The following HLTF variants were observed in gnomAD, a reference collection of about 807,000 sequenced individuals.
HLTF encodes the protein helicase like transcription factor, also known as DNA-dependent ATPase/E3 ubiquitin-protein ligase HLTF.
Under a neutral mutation model 129.4 loss-of-function variants are expected in HLTF, and 127 were observed. That is an observed-to-expected ratio of 0.98 (90% CI 0.85 to 1.14). The LOEUF is 1.14. Among genes scored for constraint, HLTF ranks in the 50% most tolerant of loss-of-function variants. The pLI, the probability that HLTF is intolerant of heterozygous loss-of-function variation, is 0.00. For missense variants in HLTF, 1,139 were observed against 1,187.1 expected, an observed-to-expected ratio of 0.96 and a Z score of 0.60; for synonymous variants, 332 against 388.8, an observed-to-expected ratio of 0.85 and a Z score of 1.72.
intron 8 of HLTF, among the ~76,000 whole-genome samples, chr3:149,067,444 T>C (rs1718481947): frequency 6.6e-6 from 1 of 152,182 alleles, no homozygotes; most frequent in East Asian, 1.9e-4. Context: ...GTAAGTTTTA[T>C]GGCTATATCG....
chr3:149,077,240 T>C (rs1206178323), intron 2 of HLTF, among the ~76,000 whole-genome samples: 1 of 145,258 alleles, frequency 6.9e-6, no homozygotes, highest in Non-Finnish European at 1.5e-5. Flanking sequence ...GAGCGAGACT[T>C]CATCTCAAAA....
rs62889662 is a variant in HLTF, at chr3:149,081,265, T to TA, written c.228+3416dup. On this transcript the variant is annotated intron_variant, in intron 2 of 24. Transcript: ENST00000310053. ...AACCATATGCTTATTGAAAACACAC[T>TA]AAAAAAAAAAAAACAAAAAATAAAA... 5.6e-3 allele frequency among the ~76,000 whole-genome samples: 728 copies of TA among 129,816 alleles called. 4 individuals are homozygous for TA. Among genetic ancestry groups the TA allele is most frequent in the East Asian group, 0.028 (126 of 4,578 alleles). The allele number at this position is 129,816 out of a possible 152,430, so 85.2% of individuals were successfully genotyped here.
chr3:149,071,109 G>A, intron 7 of HLTF, 143 bp downstream of exon 7: 1 of 509,848 alleles, frequency 2.0e-6, no homozygotes, highest in Non-Finnish European at 3.4e-6. Context: ...AAAACTACAG[G>A]AAAAACTGTG....
At chr3:149,066,382 A>C (rs977074457) in intron 8 of HLTF, among the ~76,000 whole-genome samples, 6 of 152,290 alleles carry the variant, frequency 3.9e-5, no homozygotes, top group African/African-American at 1.4e-4. Context: ...TTTGCTCAGC[A>C]AACTTTTTCT....
rs756955738 is a variant in HLTF at position 149,055,264 on chromosome 3, A to G, written c.1473+39T>C. ...ATACTTTCTACCTTGTAGATAAAATATAAATTATGTTACATTTTTAAAGGG... is the reference window on the plus strand; with the variant it reads ...ATACTTTCTACCTTGTAGATAAAATGTAAATTATGTTACATTTTTAAAGGG... On this transcript the variant is annotated intron_variant, in intron 14 of 24. Transcript: ENST00000310053. 9 of 1,376,900 alleles carry G rather than the reference A, an allele frequency of 6.5e-6. No homozygotes were observed. The South Asian group carries it at 1.1e-4, about 16-fold the overall frequency. The allele number at this position is 1,376,900 out of a possible 1,614,324, so 85.3% of individuals were successfully genotyped here. A position where few individuals can be genotyped will look rare whatever the true frequency, so the allele number is the denominator to read the frequency against.
At chr3:149,037,670 A>G (rs913635046) in intron 23 of HLTF, among the ~76,000 whole-genome samples, 1 of 152,190 alleles carries the variant, frequency 6.6e-6, no homozygotes, top group Non-Finnish European at 1.5e-5. Context: ...TTTATATCTC[A>G]GTAGTATTCC....
intron 13 of HLTF, among the ~76,000 whole-genome samples, chr3:149,055,982 T>C (rs1717397743): frequency 6.6e-6 from 1 of 152,202 alleles, no homozygotes; most frequent in African/African-American, 2.4e-5. Context: ...CTCAGGCAAC[T>C]TATGGAAGGA....
chr3:149,083,842 C>G (rs545855154), intron 2 of HLTF: 100 of 151,148 alleles, frequency 6.6e-4, no homozygotes, highest in African/African-American at 2.2e-3. Context: ...TTGCTTGAGT[C>G]TGGGAGGCAG....
In HLTF at chr3:149,035,006, G is replaced by C. The variant is rs753887646; in HGVS notation, c.2797-8C>G. On this transcript the variant is annotated splice_polypyrimidine_tract_variant and splice_region_variant and intron_variant, in intron 23 of 24. Transcript: ENST00000310053. ...AGCAGCAGGATTCCAGGCCTAACAA[G>C]AACATGGATGAGTTACTTTACTACT... 6.3e-7 allele frequency: 1 copy of C among 1,597,476 alleles called. No homozygotes were observed. The highest frequency in any genetic ancestry group is 2.2e-5 in the East Asian group (1 of 44,760).
chr3:149,040,161 A>G lies in HLTF; in HGVS notation c.2377-5T>C, dbSNP rs1716005021. On this transcript the variant is annotated splice_polypyrimidine_tract_variant and splice_region_variant and intron_variant, in intron 20 of 24. Coordinates refer to ENST00000310053, the MANE Select transcript of HLTF (RefSeq NM_003071.4). ...TAAAGGGCATTTAGCATGTGGCTAT[A>G]TAAGAAAGAACGAAGTATGAGCAAC... is the stretch of plus-strand genomic sequence containing the variant. 3.1e-6 allele frequency: 5 copies of G among 1,603,532 alleles called. No homozygotes were observed. The highest frequency in any genetic ancestry group is 3.4e-6 in the Non-Finnish European group (4 of 1,177,270).
intron 8 of HLTF, among the ~76,000 whole-genome samples, chr3:149,065,292 G>A (rs1366054809): frequency 6.6e-6 from 1 of 152,064 alleles, no homozygotes; most frequent in Non-Finnish European, 1.5e-5. Flanking sequence ...AATTTGCAGG[G>A]CAAATAACTC....
At chr3:149,085,004 G>A (rs768836321) in intron 1 of HLTF, 115 bp from the exon 2 acceptor site, 67 of 725,934 alleles carry the variant, frequency 9.2e-5, no homozygotes, top group East Asian at 1.3e-4. Flanking sequence ...TGGGAATCAC[G>A]GTAAAGATTA....
intron 13 of HLTF, among the ~76,000 whole-genome samples, chr3:149,057,184 T>C (rs1717527485): frequency 6.7e-6 from 1 of 149,016 alleles, no homozygotes; most frequent in South Asian, 2.1e-4. Context: ...TCCCAGCACT[T>C]TGGAAGACTG....
At chr3:149,045,515 AAAG>A (rs1326105960) in intron 18 of HLTF, among the ~76,000 whole-genome samples, 2 of 152,178 alleles carry the variant, frequency 1.3e-5, no homozygotes, top group Non-Finnish European at 2.9e-5. Context: ...ATATGAAAAG[AAAG>A]AAGATTTTGA....
chr3:149,050,080 A>G lies in HLTF; in HGVS notation c.1617+152T>C, dbSNP rs1576588687. On this transcript the variant is annotated intron_variant, in intron 15 of 24. Transcript: ENST00000310053. Reference sequence around the variant, plus strand: ...ATGCAACCCTTTCACGCAAAAAGTCAAAAAAAAAAACCATTTATTTTTCTA... The same window carrying G: ...ATGCAACCCTTTCACGCAAAAAGTCGAAAAAAAAAACCATTTATTTTTCTA... 14 of 268,160 alleles carry G rather than the reference A, an allele frequency of 5.2e-5. No homozygotes were observed. The East Asian group carries it at 9.9e-4, about 19-fold the overall frequency. The allele number at this position is 268,160 out of a possible 1,614,324, so 16.6% of individuals were successfully genotyped here. A position where few individuals can be genotyped will look rare whatever the true frequency, so the allele number is the denominator to read the frequency against.
chr3:149,059,922 T>G (rs1717782357), intron 12 of HLTF, 115 bp from the exon 13 acceptor site: 1 of 654,508 alleles, frequency 1.5e-6, no homozygotes, highest in African/African-American at 1.9e-5. Context: ...TTGTAAGAGC[T>G]TATATTATTA....
chr3:149,071,447 T>A lies in HLTF; in HGVS notation c.703-4A>T. 3.1e-6 allele frequency: 5 copies of A among 1,607,822 alleles called. No homozygotes were observed. The highest frequency in any genetic ancestry group is 3.4e-6 in the Non-Finnish European group (4 of 1,176,922). ...GAAGCAGTGGTGTTTCAATAGCCTA[T>A]AAATAAAAAGTCATAAAGCGAAATA... is the stretch of plus-strand genomic sequence containing the variant. On this transcript the variant is annotated splice_polypyrimidine_tract_variant and splice_region_variant and intron_variant, in intron 6 of 24. Coordinates refer to ENST00000310053, the MANE Select transcript of HLTF (RefSeq NM_003071.4).
intron 24 of HLTF, among the ~76,000 whole-genome samples, 169 bp from the exon 25 acceptor site, chr3:149,032,541 G>A (rs1053540649): frequency 6.6e-6 from 1 of 151,990 alleles, no homozygotes; most frequent in African/African-American, 2.4e-5. Flanking sequence ...TACCCAATAT[G>A]GTTTTCTTAT....
At chr3:149,035,116 A>G in intron 23 of HLTF, 118 bp from the exon 24 acceptor site, 1 of 759,032 alleles carries the variant, frequency 1.3e-6, no homozygotes, top group Non-Finnish European at 2.3e-6. Flanking sequence ...TTTCTGCCTG[A>G]AGTCAGATAC....
Sources: allele counts gnomAD v4.1 joint callset (sites outside exome capture counted in the v4.1 genomes callset), GRCh38; gene constraint gnomAD v4.1.1; transcripts MANE v1.5; gene names NCBI Gene and HGNC (gene_info 2026-07-23, HGNC 2026-07-21).